The following CABLES2 variants were observed in gnomAD, a reference collection of about 807,000 sequenced individuals.
The protein encoded by CABLES2 is Cdk5 and Abl enzyme substrate 2, also known as CDK5 and ABL1 enzyme substrate 2.
CABLES2 carries 35 observed loss-of-function variants against 44.8 expected under a neutral mutation model. That is an observed-to-expected ratio of 0.78 (90% confidence interval 0.60 to 1.04). The LOEUF (loss-of-function observed/expected upper bound fraction) is 1.04. CABLES2 is among the 50% of genes least tolerant of loss of function. CABLES2 has a pLI of 0.00. For synonymous variants in CABLES2, 282 were observed against 281.1 expected (o/e 1.00, Z -0.03); for missense variants, 566 against 615.7 (o/e 0.92, Z 0.85).
chr20:62,398,119 T>TGGC (rs1569017663), intron 1 of CABLES2, among the ~76,000 whole-genome samples: 2 of 134,838 alleles, frequency 1.5e-5, no homozygotes, highest in Non-Finnish European at 3.2e-5. Context: ...GTGGTGGTGG[T>TGGC]GGTGGTTATG....
intron 1 of CABLES2, among the ~76,000 whole-genome samples, chr20:62,398,148 GTGGTGGTGACGGTGA>G: frequency 9.2e-6 from 1 of 108,792 alleles, no homozygotes; most frequent in South Asian, 3.2e-4. Context: ...GATGGTGGTG[GTGGTGGTGACGGTGA>G]TGGTGGTAAT....
chr20:62,388,703 CAA>C lies in CABLES2; in HGVS notation c.*2266_*2267del, dbSNP rs1215065614. 3 of 583,880 alleles carry C rather than the reference CAA, an allele frequency of 5.1e-6. No individual in the cohort carries two copies. The highest frequency in any genetic ancestry group is 9.1e-6 in the Non-Finnish European group (3 of 331,012). The allele number at this position is 583,880 out of a possible 1,614,324, so 36.2% of individuals were successfully genotyped here. On this transcript the variant is annotated 3_prime_UTR_variant, in exon 10 of 10. Transcript: ENST00000279101. The stretch of plus-strand genomic sequence containing the variant: ...AACAGATATCTAAGACAAAATAACT[CAA>C]ACATTCTGAGGTCTGATACTTGCTT...
At chr20:62,394,666 A>G (rs550892238) in intron 4 of CABLES2, among the ~76,000 whole-genome samples, 1 of 152,246 alleles carries the variant, frequency 6.6e-6, no homozygotes, top group African/African-American at 2.4e-5. Context: ...CACAGCACCA[A>G]GTGGCTCTGT....
chr20:62,392,279 G>A, intron 8 of CABLES2, 110 bp downstream of exon 8: 1 of 810,330 alleles, frequency 1.2e-6, no homozygotes, highest in South Asian at 1.5e-5. Context: ...GGGGGTTGGG[G>A]ATGGGCAGCG....
intron 4 of CABLES2, 130 bp from the exon 5 acceptor site, chr20:62,394,395 C>T (rs2427308): frequency 0.21 from 145,528 of 692,178 alleles, 15,993 homozygotes; most frequent in Middle Eastern, 0.27. Flanking sequence ...GAAAGAAAGG[C>T]GGCACTGGTG....
chr20:62,404,310 G>T, intron 1 of CABLES2: 1 of 152,390 alleles, frequency 6.6e-6, no homozygotes, highest in Non-Finnish European at 1.5e-5. Flanking sequence ...CTTCTCAGAG[G>T]AGATTGAGGC....
chr20:62,392,082 G>C (rs1318962792), intron 8 of CABLES2, among the ~76,000 whole-genome samples: 1 of 152,048 alleles, frequency 6.6e-6, no homozygotes, highest in Non-Finnish European at 1.5e-5. Context: ...ACACTGGGAG[G>C]GGCCGGGCAC....
chr20:62,404,910 C>T (rs1988252478), intron 1 of CABLES2: 1 of 152,302 alleles, frequency 6.6e-6, no homozygotes, highest in South Asian at 2.1e-4. Flanking sequence ...TCCCACAGGG[C>T]AGGGATGTGC....
chr20:62,391,071 A>G lies in CABLES2; in HGVS notation c.1337T>C (p.Ile446Thr), dbSNP rs1569014327. 6.2e-7 allele frequency: 1 copy of G among 1,614,012 alleles called. No individual in the cohort carries two copies. The highest frequency in any genetic ancestry group is 8.5e-7 in the Non-Finnish European group (1 of 1,180,038). ...CACGAGCACTGTGAACTCAAACCCT[A>G]TCAGGTCGCGCCTGTTGAATCGAAA... ...ERFRFNRRDL[I>T]GFEFTVLVAL... The change falls in exon 10 of 10, where the codon ATA becomes ACA. Residue 446 changes from isoleucine (I) to threonine (T), a missense_variant. Around this residue, in one of 2 missense-constraint regions of CABLES2, gnomAD observed 436 missense variants for 536.3 expected, o/e 0.81. Coordinates refer to ENST00000279101, the MANE Select transcript of CABLES2 (RefSeq NM_031215.3). The surrounding 1 kb of genome is among the most constrained non-coding windows in gnomAD (Gnocchi z 5.7).
rs980551774 is a variant in CABLES2, at chr20:62,391,629, C to T, written c.1092-176G>A. 4.6e-5 allele frequency among the ~76,000 whole-genome samples: 7 copies of T among 152,210 alleles called. No individual in the cohort carries two copies. The highest frequency in any genetic ancestry group is 1.2e-4 in the African/African-American group (5 of 41,454). On this transcript the variant is annotated intron_variant, in intron 8 of 9. Coordinates refer to ENST00000279101, the MANE Select transcript of CABLES2 (RefSeq NM_031215.3). The surrounding 1 kb of genome is among the most constrained non-coding windows in gnomAD (Gnocchi z 5.7). ...ACCATGTATAACGCCCAGGGCAGGGCGCATGGGCAGGGACCGGCAGGCTGG... is the reference window on the plus strand; with the variant it reads ...ACCATGTATAACGCCCAGGGCAGGGTGCATGGGCAGGGACCGGCAGGCTGG...
Position 62,396,500 on chromosome 20 carries a change from G to A in CABLES2, c.434+21C>T, listed in dbSNP as rs199956502. ...CAGCCCGAGCGGAGTCGTAGAGCTC[G>A]GGGCGGACGGGGGCGTGTACCTCTG... On this transcript the variant is annotated intron_variant, in intron 2 of 9. Transcript: ENST00000279101. This position sits in a 1 kb window ranked among gnomAD's most constrained non-coding sequence, Gnocchi z 5.7. 505 of 1,613,672 alleles carry A rather than the reference G, an allele frequency of 3.1e-4. No individual in the cohort carries two copies. Among genetic ancestry groups the A allele is most frequent in the Admixed American group, 6.7e-4 (40 of 60,018 alleles).
chr20:62,399,384 C>A (rs1437869194), intron 1 of CABLES2, among the ~76,000 whole-genome samples: 2 of 151,326 alleles, frequency 1.3e-5, no homozygotes, highest in Non-Finnish European at 2.9e-5. Flanking sequence ...GTAGCTGGGA[C>A]TACAGGCGCC....
chr20:62,400,175 T>C (rs1175631502), intron 1 of CABLES2, among the ~76,000 whole-genome samples: 1 of 151,612 alleles, frequency 6.6e-6, no homozygotes, highest in East Asian at 1.9e-4. Flanking sequence ...GCCGGATGGC[T>C]GCAGAAGGTG....
In CABLES2 at chr20:62,396,491, G is replaced by A. The variant is rs754357022; in HGVS notation, c.434+30C>T. Reference sequence around the variant, plus strand: ...GGTCAGTGGCAGCCCGAGCGGAGTCGTAGAGCTCGGGGCGGACGGGGGCGT... The same window carrying A: ...GGTCAGTGGCAGCCCGAGCGGAGTCATAGAGCTCGGGGCGGACGGGGGCGT... On this transcript the variant is annotated intron_variant, in intron 2 of 9. Coordinates refer to ENST00000279101, the MANE Select transcript of CABLES2 (RefSeq NM_031215.3). The surrounding 1 kb of genome is among the most constrained non-coding windows in gnomAD (Gnocchi z 5.7). The A allele has an allele frequency of 1.2e-5, 19 of 1,613,356 alleles. No homozygotes were observed. The highest frequency in any genetic ancestry group is 6.7e-5 in the Admixed American group (4 of 60,006).
chr20:62,397,681 C>A (rs117694016), intron 1 of CABLES2, among the ~76,000 whole-genome samples: 1 of 152,202 alleles, frequency 6.6e-6, no homozygotes, highest in Non-Finnish European at 1.5e-5. Context: ...TCCCTTATAC[C>A]GGGAGCCATG....
In CABLES2 at chr20:62,392,413, T is replaced by C. The variant is rs1325181858; in HGVS notation, c.1067A>G (p.Lys356Arg). The change falls in exon 8 of 10, where the codon AAA becomes AGA. Residue 356 changes from lysine to arginine, a missense_variant. Physicochemically the swap from Lys to Arg is conservative, Grantham distance 26. Coordinates refer to ENST00000279101, the MANE Select transcript of CABLES2 (RefSeq NM_031215.3). Reference protein sequence around the residue: ...ETFREKFPHVKLTLSKIRSLK... With the variant: ...ETFREKFPHVRLTLSKIRSLK... Reference sequence around the variant, plus strand: ...CCTCCTGATTTTGCTCAGCGTCAGTTTGACATGGGGGAACTTCTCCCTGAA... The same window carrying C: ...CCTCCTGATTTTGCTCAGCGTCAGTCTGACATGGGGGAACTTCTCCCTGAA... 9 of 1,614,052 alleles carry C rather than the reference T, an allele frequency of 5.6e-6. No homozygotes were observed. Among genetic ancestry groups the C allele is most frequent in the Non-Finnish European group, 7.6e-6 (9 of 1,179,950 alleles).
At position 62,390,576 on chromosome 20, in the gene CABLES2, C is replaced by G; in HGVS notation, c.*395G>C. ...AGAAACCCAGATCTCCACCCTGACG[C>G]TGTGGTGGCTGCGGTGGTTTGCAGA... On this transcript the variant is annotated 3_prime_UTR_variant, in exon 10 of 10. Coordinates refer to ENST00000279101, the MANE Select transcript of CABLES2 (RefSeq NM_031215.3). 1 of 220,468 alleles carries G rather than the reference C, an allele frequency of 4.5e-6. No individual in the cohort carries two copies. The highest frequency in any genetic ancestry group is 9.2e-6 in the Non-Finnish European group (1 of 108,530). The allele number at this position is 220,468 out of a possible 1,614,324, so 13.7% of individuals were successfully genotyped here.
chr20:62,398,187 A>ATGATGGTGATGG (rs1555890802), intron 1 of CABLES2, among the ~76,000 whole-genome samples: 1 of 92,660 alleles, frequency 1.1e-5, no homozygotes, highest in Non-Finnish European at 2.1e-5. Context: ...GGTGGTGGTG[A>ATGATGGTGATGG]TGGTGATGAT....
intron 1 of CABLES2, chr20:62,405,747 G>A (rs1395525469): frequency 6.6e-6 from 1 of 152,284 alleles, no homozygotes; most frequent in East Asian, 1.9e-4. Flanking sequence ...AGAGCTCTGT[G>A]TCGGCCCCTT....
Sources: gnomAD v4.1 joint callset for allele counts (sites outside exome capture counted in the v4.1 genomes callset) on GRCh38, gnomAD v4.1.1 for gene constraint, gnomAD v4.1.1 regional missense constraint, Gnocchi (gnomAD v3.1) non-coding constraint, MANE v1.5 for transcripts, NCBI Gene and HGNC (gene_info 2026-07-23, HGNC 2026-07-21) for gene names.